The following PUS7 variants were observed in gnomAD, a reference collection of about 807,000 sequenced individuals.
The protein encoded by PUS7 is pseudouridine synthase 7.
A neutral mutation model predicts 79.8 loss-of-function variants in PUS7; 48 were observed. That is an observed-to-expected ratio of 0.60 (90% CI 0.48 to 0.76). The LOEUF (loss-of-function observed/expected upper bound fraction) is 0.76, where lower values mean the gene tolerates loss of function less well. Ranked by LOEUF, PUS7 falls within the 30% of genes least tolerant of loss-of-function variation. The probability of loss-of-function intolerance (pLI) is 0.00; values close to 1 mark genes in which losing one functional copy is unlikely to be tolerated. For missense variants in PUS7, 729 were observed against 797.6 expected (o/e 0.91, Z 1.04); for synonymous variants, 286 against 272.2 (o/e 1.05, Z -0.50).
intron 11 of PUS7, among the ~76,000 whole-genome samples, chr7:105,469,381 C>T (rs1475803522): frequency 6.6e-6 from 1 of 152,144 alleles, no homozygotes; most frequent in Non-Finnish European, 1.5e-5. Context: ...ACTTCCGCCT[C>T]CCAGGTTCAA....
At chr7:105,464,364 T>C (rs1207740675) in intron 13 of PUS7, among the ~76,000 whole-genome samples, 4 of 152,136 alleles carry the variant, frequency 2.6e-5, no homozygotes, top group African/African-American at 9.7e-5. Flanking sequence ...TTGATTAGAG[T>C]GACCGGACTG....
At chr7:105,474,541 C>A (rs756974618) in intron 9 of PUS7, among the ~76,000 whole-genome samples, 1 of 149,998 alleles carries the variant, frequency 6.7e-6, no homozygotes. Context: ...GGCTGAGGCA[C>A]GCGAATCACA....
At chr7:105,520,793 T>G (rs1826080200) in intron 1 of PUS7, among the ~76,000 whole-genome samples, 1 of 151,956 alleles carries the variant, frequency 6.6e-6, no homozygotes, top group Admixed American at 6.6e-5. Context: ...ATTCCAGCAC[T>G]TTGGGAGGTC....
intron 1 of PUS7, among the ~76,000 whole-genome samples, chr7:105,510,308 AAAAT>A (rs895383469): frequency 2.6e-5 from 4 of 152,066 alleles, no homozygotes; most frequent in Non-Finnish European, 5.9e-5. Context: ...CTCCAAAAAA[AAAAT>A]AAATAAATAA....
intron 1 of PUS7, among the ~76,000 whole-genome samples, chr7:105,517,352 G>A (rs1825936127): frequency 6.6e-6 from 1 of 151,744 alleles, no homozygotes; most frequent in Non-Finnish European, 1.5e-5. Context: ...GTAGAGACGG[G>A]TTTTCACCAT....
intron 1 of PUS7, among the ~76,000 whole-genome samples, chr7:105,512,298 C>CCTGAA (rs1207639754): frequency 6.6e-6 from 1 of 152,052 alleles, no homozygotes; most frequent in Non-Finnish European, 1.5e-5. Flanking sequence ...TACTCTTTGT[C>CCTGAA]CTGAACAGGT....
chr7:105,485,219 G>A (rs988407607), intron 7 of PUS7, among the ~76,000 whole-genome samples: 2 of 151,030 alleles, frequency 1.3e-5, no homozygotes, highest in East Asian at 2.0e-4. Context: ...TGTTGTCGTC[G>A]TTGTTTTTTG....
At chr7:105,483,998 C>A (rs1017171811) in intron 7 of PUS7, among the ~76,000 whole-genome samples, 6 of 152,154 alleles carry the variant, frequency 3.9e-5, no homozygotes, top group Non-Finnish European at 8.8e-5. Flanking sequence ...CAGGTAAACA[C>A]TTTGGTAGAA....
chr7:105,485,834 C>T (rs143468898), intron 7 of PUS7, among the ~76,000 whole-genome samples: 91 of 152,200 alleles, frequency 6.0e-4, no homozygotes, highest in African/African-American at 2.0e-3. Context: ...GAGTCTCTGT[C>T]GCCCAGGTTG....
chr7:105,465,312 C>A lies in PUS7; in HGVS notation c.1627+1G>T, dbSNP rs776907040. ...CTATTTTCCCCATACAGGGAACTTA[C>A]TTTTATGCTTTGGGTAGATAACATC... On this transcript the variant is annotated splice_donor_variant, in intron 13 of 15. Coordinates refer to ENST00000469408, the MANE Select transcript of PUS7 (RefSeq NM_019042.5). LOFTEE classifies it high-confidence loss of function. 1 of 1,599,310 alleles carries A rather than the reference C, an allele frequency of 6.3e-7. No homozygotes were observed. The highest frequency in any genetic ancestry group is 2.2e-5 in the East Asian group (1 of 44,718).
chr7:105,482,205 G>T (rs1056928365), intron 8 of PUS7, 107 bp downstream of exon 8: 3 of 1,339,462 alleles, frequency 2.2e-6, no homozygotes, highest in Non-Finnish European at 3.1e-6. Context: ...TGCCACTCCT[G>T]TTCTGTTAGT....
At chr7:105,470,539 AAGACTACTC>A in intron 11 of PUS7, 140 bp downstream of exon 11, 5 of 866,338 alleles carry the variant, frequency 5.8e-6, no homozygotes, top group Non-Finnish European at 8.3e-6. Context: ...GGTCTGAACA[AAGACTACTC>A]AGGTGAAACA....
intron 13 of PUS7, among the ~76,000 whole-genome samples, chr7:105,463,875 ATAAT>A (rs568490587): frequency 2.8e-4 from 42 of 152,344 alleles, no homozygotes; most frequent in African/African-American, 1.0e-3. Flanking sequence ...TATTTTTCAT[ATAAT>A]TAATACTAAC....
At chr7:105,458,543 A>T (rs532627861) in intron 15 of PUS7, among the ~76,000 whole-genome samples, 10 of 150,614 alleles carry the variant, frequency 6.6e-5, no homozygotes, top group African/African-American at 2.4e-4. Context: ...CTGGGATTAC[A>T]GGTGTGAGCC....
At chr7:105,465,483 A>T in intron 12 of PUS7, 69 bp from the exon 13 acceptor site, 1 of 1,149,260 alleles carries the variant, frequency 8.7e-7, no homozygotes, top group Middle Eastern at 2.4e-4. Context: ...ATCTTCTAAA[A>T]TTATATACAT....
rs778158995 is a variant in PUS7, at chr7:105,495,271, T to C, written c.731-18A>G. 3 of 1,306,922 alleles carry C rather than the reference T, an allele frequency of 2.3e-6. No homozygotes were observed. The highest frequency in any genetic ancestry group is 3.3e-6 in the Non-Finnish European group (3 of 905,566). 81.0% of individuals were successfully genotyped at this position (1,306,922 alleles called of 1,614,324 possible). On this transcript the variant is annotated intron_variant, in intron 5 of 15. Transcript: ENST00000469408. ...TCTTGGATCTTGAAAGCAAAAGAAT[T>C]AACATTATATATACCATAATAAAAG...
At chr7:105,506,403 A>G in intron 2 of PUS7, 130 bp from the exon 3 acceptor site, 1 of 643,596 alleles carries the variant, frequency 1.6e-6, no homozygotes, top group Non-Finnish European at 2.6e-6. Flanking sequence ...TCAGTGCAAA[A>G]TCACATGGAG....
intron 7 of PUS7, among the ~76,000 whole-genome samples, chr7:105,488,409 A>G (rs1006546002): frequency 2.0e-5 from 3 of 152,196 alleles, no homozygotes; most frequent in African/African-American, 4.8e-5. Flanking sequence ...ATTAAAAAAA[A>G]AGAGAGAGAG....
chr7:105,458,485 T>G (rs995616445), intron 15 of PUS7, among the ~76,000 whole-genome samples: 4 of 151,580 alleles, frequency 2.6e-5, no homozygotes, highest in Non-Finnish European at 4.4e-5. Flanking sequence ...CAGGCTGGTC[T>G]GGAACTCCTG....
Sources: gnomAD v4.1 joint callset for allele counts (sites outside exome capture counted in the v4.1 genomes callset) on GRCh38, gnomAD v4.1.1 for gene constraint, MANE v1.5 for transcripts, NCBI Gene and HGNC (gene_info 2026-07-23, HGNC 2026-07-21) for gene names.